ERBB4: variants seen among roughly 807,000 people sequenced by gnomAD.
The protein encoded by ERBB4 is erb-b2 receptor tyrosine kinase 4, also known as receptor tyrosine-protein kinase erbB-4.
In ERBB4, 42 loss-of-function variants were observed where a neutral mutation model predicts 158.0. The observed-to-expected ratio is 0.27, with a 90% CI of 0.21 to 0.34. The LOEUF is 0.34. Ranked by LOEUF, ERBB4 falls within the 10% of genes least tolerant of loss-of-function variation. The probability of loss-of-function intolerance (pLI) is 1.00; values close to 1 mark genes in which losing one functional copy is unlikely to be tolerated. For missense variants in ERBB4, 1,333 were observed against 1,624.1 expected, an observed-to-expected ratio of 0.82 and a Z score of 3.08; for synonymous variants, 583 against 558.7, an observed-to-expected ratio of 1.04 and a Z score of -0.61.
chr2:211,876,744 T>A (rs2078513318), intron 3 of ERBB4, among the ~76,000 whole-genome samples: 1 of 152,184 alleles, frequency 6.6e-6, no homozygotes, highest in Non-Finnish European at 1.5e-5. Context: ...ATACTTTGAA[T>A]GTTTAAATGT....
intron 1 of ERBB4, among the ~76,000 whole-genome samples, chr2:212,415,632 A>G (rs1399334593): frequency 5.9e-5 from 9 of 152,254 alleles, no homozygotes; most frequent in Non-Finnish European, 1.3e-4. Flanking sequence ...ATGTATAACC[A>G]AGAATAAATG....
chr2:211,611,222 G>A (rs985662746), intron 19 of ERBB4, among the ~76,000 whole-genome samples: 12 of 151,940 alleles, frequency 7.9e-5, no homozygotes, highest in African/African-American at 2.7e-4. Flanking sequence ...AATCATATAG[G>A]GAGTTTAAGC....
At chr2:211,883,206 C>G (rs1243118209) in intron 3 of ERBB4, among the ~76,000 whole-genome samples, 1 of 152,032 alleles carries the variant, frequency 6.6e-6, no homozygotes, top group African/African-American at 2.4e-5. Flanking sequence ...GACAAAAAAC[C>G]AAACACCGCG....
At chr2:211,988,600 T>C (rs2125247943) in intron 2 of ERBB4, among the ~76,000 whole-genome samples, 1 of 152,166 alleles carries the variant, frequency 6.6e-6, no homozygotes, top group East Asian at 1.9e-4. Flanking sequence ...TAAATTATTC[T>C]TTACAATTGA....
chr2:212,476,855 A>G (rs1426796553), intron 1 of ERBB4, among the ~76,000 whole-genome samples: 5 of 152,160 alleles, frequency 3.3e-5, no homozygotes, highest in Non-Finnish European at 7.4e-5. Context: ...TAACTCTTGC[A>G]TCATCACGAA....
At chr2:211,685,845 T>C (rs928380549) in intron 12 of ERBB4, among the ~76,000 whole-genome samples, 1 of 152,184 alleles carries the variant, frequency 6.6e-6, no homozygotes, top group African/African-American at 2.4e-5. Context: ...TATGTTTTGT[T>C]AAATTTACAC....
At chr2:211,592,786 T>C (rs577719451) in intron 19 of ERBB4, among the ~76,000 whole-genome samples, 1 of 151,978 alleles carries the variant, frequency 6.6e-6, no homozygotes, top group Non-Finnish European at 1.5e-5. Flanking sequence ...CCGAGGTGGG[T>C]GGATCATGAG....
chr2:211,630,390 T>G lies in ERBB4; in HGVS notation c.2079+72A>C, dbSNP rs1348421159. On this transcript the variant is annotated intron_variant, in intron 17 of 27. Transcript: ENST00000342788. ...CAGAATTTTACTTGGATTAAATAAT[T>G]GAACATCATCTAAACCTTCTAAACC... is the stretch of plus-strand genomic sequence containing the variant. The G allele has an allele frequency of 1.9e-6, 3 of 1,566,042 alleles. No individual in the cohort carries two copies. In the African/African-American group the frequency reaches 4.1e-5, roughly 21 times the overall value.
At chr2:211,858,846 G>A (rs12615835) in intron 3 of ERBB4, among the ~76,000 whole-genome samples, 31,567 of 151,806 alleles carry the variant, frequency 0.21, 3,413 homozygotes, top group South Asian at 0.33. Flanking sequence ...GCAGTGGTGC[G>A]ATCTCCGCTC....
Position 211,378,498 on chromosome 2 carries a change from A to G in ERBB4, c.*5117T>C. The G allele has an allele frequency of 4.3e-6, 1 of 232,840 alleles. No individual in the cohort carries two copies. Among genetic ancestry groups the G allele is most frequent in the East Asian group, 6.1e-5 (1 of 16,514 alleles). 14.4% of individuals were successfully genotyped at this position (232,840 alleles called of 1,614,324 possible). ...AGAAAAAAGCAGCTCACACTGCTAA[A>G]AGATATTTGCCCACACAAACACAAG... On this transcript the variant is annotated 3_prime_UTR_variant, in exon 28 of 28. Coordinates refer to ENST00000342788, the MANE Select transcript of ERBB4 (RefSeq NM_005235.3).
chr2:211,808,081 G>T (rs907856912), intron 3 of ERBB4, among the ~76,000 whole-genome samples: 1 of 152,148 alleles, frequency 6.6e-6, no homozygotes, highest in Non-Finnish European at 1.5e-5. Context: ...TAGGTTGCCT[G>T]TTCACTCTGA....
At chr2:212,108,149 A>G (rs2079287984) in intron 2 of ERBB4, among the ~76,000 whole-genome samples, 1 of 152,198 alleles carries the variant, frequency 6.6e-6, no homozygotes, top group African/African-American at 2.4e-5. Flanking sequence ...GCACTGTGGC[A>G]CAGATGAGTC....
chr2:211,527,337 G>C (rs1348932067), intron 20 of ERBB4, among the ~76,000 whole-genome samples: 2 of 152,006 alleles, frequency 1.3e-5, no homozygotes, highest in Non-Finnish European at 2.9e-5. Context: ...GCCTAGAATA[G>C]TATATCTGGA....
At chr2:212,452,783 C>A (rs1688068473) in intron 1 of ERBB4, among the ~76,000 whole-genome samples, 1 of 152,034 alleles carries the variant, frequency 6.6e-6, no homozygotes, top group Admixed American at 6.6e-5. Flanking sequence ...CTCCACAGTG[C>A]TTATCTACAT....
At chr2:212,369,385 CT>C (rs1040386517) in intron 1 of ERBB4, among the ~76,000 whole-genome samples, 99 of 152,134 alleles carry the variant, frequency 6.5e-4, no homozygotes, top group African/African-American at 2.3e-3. Flanking sequence ...CTAATCTCTG[CT>C]GTCAAATTTC....
chr2:211,475,198 G>T (rs374740837), intron 20 of ERBB4, among the ~76,000 whole-genome samples: 36 of 152,182 alleles, frequency 2.4e-4, no homozygotes, highest in African/African-American at 8.4e-4. Context: ...TATAAATGTT[G>T]TAGTTAATTT....
chr2:212,424,418 T>G (rs944585357), intron 1 of ERBB4, among the ~76,000 whole-genome samples: 8 of 152,076 alleles, frequency 5.3e-5, no homozygotes, highest in Non-Finnish European at 1.0e-4. Context: ...TGCACATATA[T>G]CCACATATAT....
chr2:211,770,638 A>G (rs1454484331), intron 4 of ERBB4, among the ~76,000 whole-genome samples: 1 of 152,180 alleles, frequency 6.6e-6, no homozygotes, highest in African/African-American at 2.4e-5. Flanking sequence ...TCAGATAGAC[A>G]ATTTGAATTC....
chr2:212,515,381 G>T (rs1448775367), intron 1 of ERBB4, among the ~76,000 whole-genome samples: 1 of 151,606 alleles, frequency 6.6e-6, no homozygotes, highest in Non-Finnish European at 1.5e-5. Context: ...TGAGGAAAAA[G>T]GAAAGAAAAT....
Sources: gnomAD v4.1 joint callset for allele counts (sites outside exome capture counted in the v4.1 genomes callset) on GRCh38, gnomAD v4.1.1 for gene constraint, MANE v1.5 for transcripts, NCBI Gene and HGNC (gene_info 2026-07-23, HGNC 2026-07-21) for gene names.